The following ZDHHC5 variants were observed in gnomAD, a reference collection of about 807,000 sequenced individuals.
The protein encoded by ZDHHC5 is palmitoyltransferase ZDHHC5.
In ZDHHC5, 22 loss-of-function variants were observed where a neutral mutation model predicts 70.0. The observed-to-expected ratio is 0.31, with a 90% confidence interval of 0.22 to 0.45. The LOEUF is 0.45. Ranked by LOEUF, ZDHHC5 falls within the 20% of genes least tolerant of loss-of-function variation. ZDHHC5 has a pLI of 1.00. For missense variants in ZDHHC5, 746 were observed against 926.9 expected, an observed-to-expected ratio of 0.80 and a Z score of 2.53; for synonymous variants, 313 against 347.8, an observed-to-expected ratio of 0.90 and a Z score of 1.11.
chr11:57,682,372 G>C, intron 2 of ZDHHC5, 50 bp from the exon 3 acceptor site: 1 of 1,567,172 alleles, frequency 6.4e-7, no homozygotes, highest in South Asian at 1.2e-5. Context: ...TGTATGGTTC[G>C]TGTCCAAAAT....
chr11:57,673,243 G>C (rs764020433), intron 2 of ZDHHC5, 49 bp downstream of exon 2: 1 of 1,570,506 alleles, frequency 6.4e-7, no homozygotes, highest in Non-Finnish European at 8.8e-7. Flanking sequence ...TACTCCATGG[G>C]AAGTGAGGAG....
In ZDHHC5 at chr11:57,688,914, G is replaced by A. The variant is rs1399522199; in HGVS notation, c.384+249G>A. Among the ~76,000 whole-genome samples, 9 of 152,092 alleles carry A rather than the reference G, an allele frequency of 5.9e-5. No homozygotes were observed. The East Asian group carries it at 1.7e-3, about 29-fold the overall frequency. The stretch of plus-strand genomic sequence containing the variant: ...TTTTTATTTATTTTTACTTTTTGTA[G>A]TGATGAGGTCTCACTGTGTTGCTTG... On this transcript the variant is annotated intron_variant, in intron 4 of 11. Transcript: ENST00000287169.
Position 57,699,426 on chromosome 11 carries a change from T to C in ZDHHC5, c.1982+8T>C, listed in dbSNP as rs375528385. The C allele has an allele frequency of 4.5e-6, 7 of 1,557,748 alleles. No homozygotes were observed. The highest frequency in any genetic ancestry group is 6.1e-6 in the Non-Finnish European group (7 of 1,153,512). Reference sequence around the variant, plus strand: ...GCCATTACTGACACCCAAGTAAGTATTAGTACTATCCTGACCCTTAGCCAA... The same window carrying C: ...GCCATTACTGACACCCAAGTAAGTACTAGTACTATCCTGACCCTTAGCCAA... On this transcript the variant is annotated splice_region_variant and intron_variant, in intron 11 of 11. Transcript: ENST00000287169.
At chr11:57,694,816 A>T (rs1424221184) in intron 8 of ZDHHC5, among the ~76,000 whole-genome samples, 1 of 152,226 alleles carries the variant, frequency 6.6e-6, no homozygotes, top group East Asian at 1.9e-4. Context: ...AACCTTTTTT[A>T]AACCCTTTCT....
chr11:57,696,078 T>C (rs376993238), intron 9 of ZDHHC5, 35 bp downstream of exon 9: 295 of 1,594,116 alleles, frequency 1.9e-4, no homozygotes, highest in Non-Finnish European at 2.3e-4. Context: ...ATACTAGAAC[T>C]AGGGGCAGGA....
At chr11:57,684,874 G>A (rs534758676) in intron 3 of ZDHHC5, among the ~76,000 whole-genome samples, 2 of 152,112 alleles carry the variant, frequency 1.3e-5, no homozygotes, top group Non-Finnish European at 2.9e-5. Flanking sequence ...TAGGCTTGGC[G>A]TGGTGGCTCA....
In ZDHHC5 at chr11:57,690,366, T is replaced by G. The variant is rs757342722; in HGVS notation, c.589T>G (p.Phe197Val). 13 of 1,614,030 alleles carry G rather than the reference T, an allele frequency of 8.1e-6. No individual in the cohort carries two copies. In the African/African-American group the frequency reaches 1.6e-4, roughly 20 times the overall value. The change falls in exon 6 of 12, where the codon TTC becomes GTC. Residue 197 changes from phenylalanine to valine, a missense_variant. Around this residue, in one of 6 missense-constraint regions of ZDHHC5, gnomAD observed 114 missense variants for 179.3 expected, o/e 0.64. Transcript: ENST00000287169. ...MAVMCVAGLF[F>V]IPVAGLTGFH... ...AGTAATGTGTGTGGCTGGCTTATTC[T>G]TCATCCCTGTAGCTGGCCTCACGGG... is the stretch of plus-strand genomic sequence containing the variant.
At chr11:57,694,715 T>C (rs1340780634) in intron 8 of ZDHHC5, among the ~76,000 whole-genome samples, 5 of 152,234 alleles carry the variant, frequency 3.3e-5, no homozygotes, top group African/African-American at 1.2e-4. Flanking sequence ...TTCATTTCCA[T>C]GTCTTCATAG....
chr11:57,688,727 A>G, intron 4 of ZDHHC5, 62 bp downstream of exon 4: 2 of 1,487,500 alleles, frequency 1.3e-6, no homozygotes, highest in Non-Finnish European at 1.8e-6. Context: ...TCCTAACCAT[A>G]TAATAGATTC....
intron 4 of ZDHHC5, among the ~76,000 whole-genome samples, chr11:57,689,795 G>T (rs1463220319): frequency 1.3e-5 from 2 of 151,048 alleles, no homozygotes; most frequent in Admixed American, 6.6e-5. Flanking sequence ...TCAAGCCCCA[G>T]CCCCCCAAGT....
chr11:57,690,101 T>C lies in ZDHHC5; in HGVS notation c.455T>C (p.Phe152Ser). Reference sequence around the variant, plus strand: ...CGGAACTACCGTTATTTTTTCCTTTTCCTCCTTTCCCTGACAGCCCACATT... The same window carrying C: ...CGGAACTACCGTTATTTTTTCCTTTCCCTCCTTTCCCTGACAGCCCACATT... ...GRRNYRYFFL[F>S]LLSLTAHIMG... The change falls in exon 5 of 12, where the codon TTC becomes TCC. Residue 152 changes from phenylalanine to serine, a missense_variant. Physicochemically the swap from Phe to Ser is radical, Grantham distance 155 (BLOSUM62 -2). Transcript: ENST00000287169. 1 of 1,614,152 alleles carries C rather than the reference T, an allele frequency of 6.2e-7. No individual in the cohort carries two copies. The highest frequency in any genetic ancestry group is 8.5e-7 in the Non-Finnish European group (1 of 1,180,030).
intron 2 of ZDHHC5, among the ~76,000 whole-genome samples, chr11:57,675,607 A>G (rs1276650004): frequency 6.6e-6 from 1 of 152,188 alleles, no homozygotes; most frequent in Non-Finnish European, 1.5e-5. Flanking sequence ...CCCTGGCGCT[A>G]GTTTCCACAG....
At chr11:57,680,475 A>T (rs1197172725) in intron 2 of ZDHHC5, among the ~76,000 whole-genome samples, 1 of 152,206 alleles carries the variant, frequency 6.6e-6, no homozygotes, top group Non-Finnish European at 1.5e-5. Context: ...TCTCTCAGAG[A>T]TGGAAACTAA....
At chr11:57,691,798 A>T (rs908971341) in intron 6 of ZDHHC5, among the ~76,000 whole-genome samples, 1 of 143,480 alleles carries the variant, frequency 7.0e-6, no homozygotes, top group African/African-American at 2.5e-5. Flanking sequence ...AGATCTTCCT[A>T]AAAAAAAAAA....
At chr11:57,695,414 C>T (rs1946337712) in intron 8 of ZDHHC5, among the ~76,000 whole-genome samples, 1 of 151,256 alleles carries the variant, frequency 6.6e-6, no homozygotes, top group Admixed American at 6.6e-5. Context: ...AGCAAGACTC[C>T]ATTTCAAAAA....
chr11:57,691,543 C>T (rs545820055), intron 6 of ZDHHC5, among the ~76,000 whole-genome samples: 64 of 152,144 alleles, frequency 4.2e-4, no homozygotes, highest in Middle Eastern at 3.4e-3. Context: ...CAAAGAAAGT[C>T]TTGGATGGTT....
At chr11:57,694,001 GTTT>G (rs11287593) in intron 8 of ZDHHC5, 86 bp downstream of exon 8, 6,687 of 1,160,330 alleles carry the variant, frequency 5.8e-3, no homozygotes, top group East Asian at 0.015. Context: ...TTTCCTTTGT[GTTT>G]TTTTTTTTTT....
At chr11:57,676,881 G>C (rs1221197397) in intron 2 of ZDHHC5, among the ~76,000 whole-genome samples, 3 of 151,228 alleles carry the variant, frequency 2.0e-5, no homozygotes, top group Admixed American at 6.6e-5. Flanking sequence ...TGGTGGGAGG[G>C]GGCAGGATAA....
At chr11:57,699,813 C>T in intron 11 of ZDHHC5, 53 bp from the exon 12 acceptor site, 1 of 1,607,898 alleles carries the variant, frequency 6.2e-7, no homozygotes, top group South Asian at 1.1e-5. Flanking sequence ...GTCTCCCTTT[C>T]CAATGTTTTC....
Sources: gnomAD v4.1 joint callset for allele counts (sites outside exome capture counted in the v4.1 genomes callset) on GRCh38, gnomAD v4.1.1 for gene constraint, gnomAD v4.1.1 regional missense constraint, MANE v1.5 for transcripts, NCBI Gene and HGNC (gene_info 2026-07-23, HGNC 2026-07-21) for gene names.